Variants in SLX4IP observed in about 807,000 individuals in gnomAD.
SLX4IP encodes the protein SLX4 interacting protein.
A neutral mutation model predicts 32.9 loss-of-function variants in SLX4IP; 34 were observed. The observed-to-expected ratio is 1.03, with a 90% CI of 0.79 to 1.38. SLX4IP has a LOEUF of 1.38. SLX4IP is among the 40% of genes most tolerant of loss of function. The pLI is 0.00. For synonymous variants in SLX4IP, 172 were observed against 171.7 expected, an observed-to-expected ratio of 1.00 and a Z score of -0.01; for missense variants, 444 against 479.0, an observed-to-expected ratio of 0.93 and a Z score of 0.68.
chr20:10,540,822 C>G (rs1167936113), intron 2 of SLX4IP, among the ~76,000 whole-genome samples: 1 of 152,212 alleles, frequency 6.6e-6, no homozygotes, highest in Non-Finnish European at 1.5e-5. Flanking sequence ...AAACTCGGCT[C>G]TCACCAGCAG....
At chr20:10,557,647 G>T (rs575404914) in intron 3 of SLX4IP, among the ~76,000 whole-genome samples, 1 of 152,332 alleles carries the variant, frequency 6.6e-6, no homozygotes, top group South Asian at 2.1e-4. Flanking sequence ...CAATGTTATG[G>T]AATCCACCAT....
chr20:10,524,389 C>CA (rs2065925514), intron 2 of SLX4IP, among the ~76,000 whole-genome samples: 2 of 152,162 alleles, frequency 1.3e-5, no homozygotes, highest in Non-Finnish European at 2.9e-5. Context: ...CACTCTTGAC[C>CA]ACCCGCCCTG....
In SLX4IP at chr20:10,623,663, T is replaced by C; in HGVS notation, c.*284T>C. ...CCATCCACCTTGTCAGGGAGGAGAC[T>C]GTGCAAGGACTGCATGAAGAAACTG... On this transcript the variant is annotated 3_prime_UTR_variant, in exon 8 of 8. Transcript: ENST00000334534. The C allele has an allele frequency of 2.2e-6, 1 of 446,376 alleles. No individual in the cohort carries two copies. The highest frequency in any genetic ancestry group is 4.0e-6 in the Non-Finnish European group (1 of 250,506). The allele number at this position is 446,376 out of a possible 1,614,324, so 27.7% of individuals were successfully genotyped here. A position where few individuals can be genotyped will look rare whatever the true frequency, so the allele number is the denominator to read the frequency against.
At chr20:10,558,341 CA>C (rs36028561) in intron 3 of SLX4IP, among the ~76,000 whole-genome samples, 33,724 of 79,794 alleles carry the variant, frequency 0.42, 2,997 homozygotes, top group Middle Eastern at 0.57. Flanking sequence ...GACCCTGTCT[CA>C]AAAAAAAAAA....
chr20:10,562,697 CT>C (rs1274525507), intron 4 of SLX4IP, among the ~76,000 whole-genome samples: 2 of 152,162 alleles, frequency 1.3e-5, no homozygotes, highest in Non-Finnish European at 2.9e-5. Flanking sequence ...TTCCTTGCCC[CT>C]CTCCCATATC....
intron 6 of SLX4IP, among the ~76,000 whole-genome samples, 165 bp from the exon 7 acceptor site, chr20:10,621,149 A>T (rs1474852706): frequency 6.6e-6 from 1 of 152,254 alleles, no homozygotes; most frequent in African/African-American, 2.4e-5. Context: ...GTTACAATTA[A>T]CCATAAAGTC....
intron 5 of SLX4IP, among the ~76,000 whole-genome samples, chr20:10,601,469 G>A (rs1017260233): frequency 6.6e-6 from 1 of 152,150 alleles, no homozygotes; most frequent in Non-Finnish European, 1.5e-5. Flanking sequence ...GGCTACAGAG[G>A]TTCTGCCTGG....
Position 10,452,676 on chromosome 20 carries a change from A to ATAT in SLX4IP, c.-29-5500_-29-5499insTAT, listed in dbSNP as rs764822188. ...AGCGAAACTGTCTCAAAAAAAAAAA[A>ATAT]AAAAATATATATATATATATGTAAA... On this transcript the variant is annotated intron_variant, in intron 1 of 7. Transcript: ENST00000334534. Among the ~76,000 whole-genome samples, 224 of 97,950 alleles carry ATAT rather than the reference A, an allele frequency of 2.3e-3. 1 individual carries two copies. The highest frequency in any genetic ancestry group is 5.8e-3 in the African/African-American group (162 of 27,784). 64.3% of individuals were successfully genotyped at this position (97,950 alleles called of 152,430 possible).
At chr20:10,435,660 ATAT>A (rs531340721) in intron 1 of SLX4IP, among the ~76,000 whole-genome samples, 96 of 152,240 alleles carry the variant, frequency 6.3e-4, no homozygotes, top group African/African-American at 2.3e-3. Context: ...TACGGTGGAG[ATAT>A]TATTCAGGAA....
At chr20:10,460,403 G>GAAAAA (rs1905289828) in intron 2 of SLX4IP, among the ~76,000 whole-genome samples, 1 of 152,142 alleles carries the variant, frequency 6.6e-6, no homozygotes, top group Non-Finnish European at 1.5e-5. Context: ...TTTGATGTTG[G>GAAAAA]TTGGGGCTGC....
chr20:10,539,837 G>C (rs117162948), intron 2 of SLX4IP, among the ~76,000 whole-genome samples: 1 of 152,026 alleles, frequency 6.6e-6, no homozygotes, highest in Non-Finnish European at 1.5e-5. Context: ...TTTCATTGGC[G>C]TAGAATTTGG....
At position 10,598,683 on chromosome 20, in the gene SLX4IP, T is replaced by C; in HGVS notation, c.247T>C (p.Phe83Leu). The change falls in exon 5 of 8, where the codon TTT (phenylalanine) becomes CTT (leucine). Residue 83 changes from phenylalanine (F) to leucine (L), a missense_variant. Coordinates refer to ENST00000334534, the MANE Select transcript of SLX4IP (RefSeq NM_001009608.3). ...SNPLSLKGYG[F>L]QITAYFLKRG... ...TCCCTTTCACTTTCCAGGTTATGGC[T>C]TTCAAATCACAGCCTATTTCCTCAA... The C allele has an allele frequency of 6.2e-7, 1 of 1,614,148 alleles. No homozygotes were observed. Among genetic ancestry groups the C allele is most frequent in the Non-Finnish European group, 8.5e-7 (1 of 1,179,978 alleles).
At chr20:10,445,466 C>T (rs2065194657) in intron 1 of SLX4IP, among the ~76,000 whole-genome samples, 1 of 151,374 alleles carries the variant, frequency 6.6e-6, no homozygotes, top group Non-Finnish European at 1.5e-5. Flanking sequence ...CAGGTGTGCA[C>T]CAAGACGCCT....
chr20:10,509,802 C>G (rs1332484304), intron 2 of SLX4IP, among the ~76,000 whole-genome samples: 1 of 152,084 alleles, frequency 6.6e-6, no homozygotes, highest in African/African-American at 2.4e-5. Flanking sequence ...CAGTCCTCCC[C>G]TTCGGCTTTC....
At chr20:10,616,961 A>G (rs1023815628) in intron 6 of SLX4IP, among the ~76,000 whole-genome samples, 3 of 152,204 alleles carry the variant, frequency 2.0e-5, no homozygotes, top group Non-Finnish European at 2.9e-5. Context: ...ACTCTGTCGG[A>G]TTCTGCTCAG....
At chr20:10,583,633 T>C (rs1475255333) in intron 4 of SLX4IP, among the ~76,000 whole-genome samples, 1 of 152,164 alleles carries the variant, frequency 6.6e-6, no homozygotes, top group Non-Finnish European at 1.5e-5. Flanking sequence ...TGGGGTCCCT[T>C]GTGTGAGAAT....
intron 2 of SLX4IP, among the ~76,000 whole-genome samples, chr20:10,522,379 G>A (rs1403119026): frequency 1.3e-5 from 2 of 152,100 alleles, no homozygotes; most frequent in Non-Finnish European, 2.9e-5. Context: ...GCTATGCAAC[G>A]TTTTCTTAAA....
intron 5 of SLX4IP, among the ~76,000 whole-genome samples, chr20:10,600,050 TTA>T (rs1491076179): frequency 3.0e-4 from 45 of 151,662 alleles, no homozygotes; most frequent in Admixed American, 2.6e-3. Context: ...TATGATTTTT[TTA>T]GGGGGGGGAG....
chr20:10,594,366 T>A (rs963078240), intron 4 of SLX4IP, among the ~76,000 whole-genome samples: 15 of 152,096 alleles, frequency 9.9e-5, no homozygotes, highest in African/African-American at 3.6e-4. Flanking sequence ...TGAAGTGGAA[T>A]TCACCTGCCC....
Sources: gnomAD v4.1 joint callset for allele counts (sites outside exome capture counted in the v4.1 genomes callset) on GRCh38, gnomAD v4.1.1 for gene constraint, MANE v1.5 for transcripts, NCBI Gene and HGNC (gene_info 2026-07-23, HGNC 2026-07-21) for gene names.